The following ANKRD16 variants were observed in gnomAD, a reference collection of about 807,000 sequenced individuals.
The protein encoded by ANKRD16 is ankyrin repeat domain 16.
Under a neutral mutation model 37.9 loss-of-function variants are expected in ANKRD16, and 35 were observed. The ratio of observed to expected loss-of-function variants is 0.92; its 90% CI spans 0.71 to 1.23. ANKRD16 has a LOEUF of 1.23. Among genes scored for constraint, ANKRD16 ranks in the 50% most tolerant of loss-of-function variants. The probability of loss-of-function intolerance (pLI) is 0.00; values close to 1 mark genes in which losing one functional copy is unlikely to be tolerated. For synonymous variants in ANKRD16, 206 were observed against 197.2 expected (o/e 1.04, Z -0.37); for missense variants, 480 against 469.9 (o/e 1.02, Z -0.20).
In ANKRD16 at chr10:5,871,935, A is replaced by C. The variant is rs180922248; in HGVS notation, c.*33+6162T>G. On this transcript the variant is annotated intron_variant, in intron 7 of 7. Coordinates refer to ENST00000380094, the MANE Select transcript of ANKRD16 (RefSeq NM_019046.3). This position sits in a 1 kb window ranked among gnomAD's most constrained non-coding sequence, Gnocchi z 4.5. ...AGTTGCTCAGGCCCCTGTGCAGCCC[A>C]TATCTCCCACCCACTCGCATGGCCC... Among the ~76,000 whole-genome samples, 1 of 152,040 alleles carries C rather than the reference A, an allele frequency of 6.6e-6. No individual in the cohort carries two copies.
At chr10:5,883,251 C>G in intron 4 of ANKRD16, 84 bp from the exon 5 acceptor site, 1 of 1,406,278 alleles carries the variant, frequency 7.1e-7, no homozygotes, top group Non-Finnish European at 9.7e-7. Context: ...GGCACTTCAG[C>G]AAAACTGAGC....
chr10:5,877,394 C>T (rs756410842), intron 7 of ANKRD16, among the ~76,000 whole-genome samples: 1 of 152,162 alleles, frequency 6.6e-6, no homozygotes, highest in Admixed American at 6.5e-5. Flanking sequence ...ATTACAGGCA[C>T]GGGCCACCAT....
intron 7 of ANKRD16, among the ~76,000 whole-genome samples, chr10:5,873,877 G>A (rs1445584282): frequency 1.3e-5 from 2 of 150,078 alleles, no homozygotes; most frequent in Non-Finnish European, 3.0e-5. Flanking sequence ...TTACCTCTTT[G>A]CATCTCTTTT....
intron 5 of ANKRD16, among the ~76,000 whole-genome samples, chr10:5,881,442 ATAT>A (rs1332017398): frequency 0.013 from 1,438 of 108,772 alleles, 46 homozygotes; most frequent in African/African-American, 0.038. Flanking sequence ...TATTATTTAT[ATAT>A]ATATATATAT....
chr10:5,876,393 A>G (rs1004014781), intron 7 of ANKRD16, among the ~76,000 whole-genome samples: 5 of 152,206 alleles, frequency 3.3e-5, no homozygotes, highest in African/African-American at 1.2e-4. Context: ...AGCTGCTGCA[A>G]ACACAAAGCT....
At chr10:5,876,844 T>C (rs1462011516) in intron 7 of ANKRD16, among the ~76,000 whole-genome samples, 1 of 151,964 alleles carries the variant, frequency 6.6e-6, no homozygotes, top group East Asian at 1.9e-4. Context: ...AATTATTCTT[T>C]GCAATTCAGA....
intron 7 of ANKRD16, among the ~76,000 whole-genome samples, chr10:5,875,774 G>A (rs1181119215): frequency 6.7e-6 from 1 of 148,406 alleles, no homozygotes; most frequent in Non-Finnish European, 1.5e-5. Flanking sequence ...GTGCAGTAGT[G>A]CAATCTCGGC....
At chr10:5,886,179 C>T (rs1213162730) in intron 2 of ANKRD16, among the ~76,000 whole-genome samples, 1 of 152,208 alleles carries the variant, frequency 6.6e-6, no homozygotes, top group Non-Finnish European at 1.5e-5. Flanking sequence ...GACTATTTGT[C>T]TTCCACTATT....
Position 5,864,657 on chromosome 10 carries a change from G to T in ANKRD16, c.*34-1966C>A. 6.6e-6 allele frequency among the ~76,000 whole-genome samples: 1 copy of T among 151,854 alleles called. No homozygotes were observed. The highest frequency in any genetic ancestry group is 1.9e-4 in the East Asian group (1 of 5,188). On this transcript the variant is annotated intron_variant, in intron 7 of 7. Transcript: ENST00000380094. The surrounding 1 kb of genome is among the most constrained non-coding windows in gnomAD (Gnocchi z 4.4). ...TCAAGTAAATGACAGAATGACAGCC[G>T]AAGAAAGGGACAAATTCCCTACTGG...
At chr10:5,873,702 A>T (rs1477192200) in intron 7 of ANKRD16, among the ~76,000 whole-genome samples, 5 of 152,050 alleles carry the variant, frequency 3.3e-5, no homozygotes, top group Middle Eastern at 6.8e-3. Context: ...CCCTCTTCTC[A>T]CTGTCTGAGC....
intron 6 of ANKRD16, among the ~76,000 whole-genome samples, chr10:5,879,946 G>A (rs929172986): frequency 6.6e-6 from 1 of 152,040 alleles, no homozygotes; most frequent in African/African-American, 2.4e-5. Context: ...ATTGTTTGAG[G>A]TCAGGAGTTC....
intron 6 of ANKRD16, among the ~76,000 whole-genome samples, chr10:5,879,760 A>G (rs573033895): frequency 3.2e-4 from 47 of 147,402 alleles, no homozygotes; most frequent in African/African-American, 1.1e-3. Context: ...GATTAACAAC[A>G]GCAGTTGTAA....
At chr10:5,879,780 GTCA>G (rs1842257158) in intron 6 of ANKRD16, among the ~76,000 whole-genome samples, 2 of 82,900 alleles carry the variant, frequency 2.4e-5, no homozygotes, top group Non-Finnish European at 5.2e-5. Context: ...ATGAGTGGCA[GTCA>G]TCATCACTGT....
At chr10:5,872,451 C>G (rs1368756601) in intron 7 of ANKRD16, among the ~76,000 whole-genome samples, 1 of 152,130 alleles carries the variant, frequency 6.6e-6, no homozygotes, top group Non-Finnish European at 1.5e-5. Context: ...TATACCCCGG[C>G]CTGGGTGACA....
chr10:5,885,020 G>A (rs934342138), intron 3 of ANKRD16, among the ~76,000 whole-genome samples: 2 of 152,096 alleles, frequency 1.3e-5, no homozygotes, highest in African/African-American at 4.8e-5. Flanking sequence ...CCCATTATTT[G>A]TTCTGTAGGG....
In ANKRD16 at chr10:5,863,312, G is replaced by A. The variant is rs889545905; in HGVS notation, c.*34-621C>T. Among the ~76,000 whole-genome samples, 1 of 152,028 alleles carries A rather than the reference G, an allele frequency of 6.6e-6. No homozygotes were observed. The highest frequency in any genetic ancestry group is 2.4e-5 in the African/African-American group (1 of 41,350). On this transcript the variant is annotated intron_variant, in intron 7 of 7. Coordinates refer to ENST00000380094, the MANE Select transcript of ANKRD16 (RefSeq NM_019046.3). The surrounding 1 kb of genome is among the most constrained non-coding windows in gnomAD (Gnocchi z 4.7). ...ACTGTGCTGTACGCTCACAAAGTTA[G>A]AGGGCAGAGCTCATATTAAAGGTTC...
chr10:5,885,520 G>A (rs1038584050), intron 3 of ANKRD16, among the ~76,000 whole-genome samples: 1 of 151,990 alleles, frequency 6.6e-6, no homozygotes, highest in Non-Finnish European at 1.5e-5. Flanking sequence ...TAGAGAAATG[G>A]ATGATTTTGC....
rs1054308474 is a variant in ANKRD16, at chr10:5,868,621, A to T, written c.*34-5930T>A. Among the ~76,000 whole-genome samples, 1 of 152,220 alleles carries T rather than the reference A, an allele frequency of 6.6e-6. No individual in the cohort carries two copies. The highest frequency in any genetic ancestry group is 2.4e-5 in the African/African-American group (1 of 41,452). On this transcript the variant is annotated intron_variant, in intron 7 of 7. Transcript: ENST00000380094. This position sits in a 1 kb window ranked among gnomAD's most constrained non-coding sequence, Gnocchi z 4.9. ...GGGTGGGGACAAGTAAGGGAATAAAAGCTGGCCACCCCCAGCCAGCAGCGG... is the reference window on the plus strand; with the variant it reads ...GGGTGGGGACAAGTAAGGGAATAAATGCTGGCCACCCCCAGCCAGCAGCGG...
At chr10:5,867,443 CA>C (rs1387650716) in intron 7 of ANKRD16, among the ~76,000 whole-genome samples, 1 of 152,190 alleles carries the variant, frequency 6.6e-6, no homozygotes, top group African/African-American at 2.4e-5. Flanking sequence ...GGCACTCAGC[CA>C]AACTTTAAAG....
Sources: gnomAD v4.1 joint callset for allele counts (sites outside exome capture counted in the v4.1 genomes callset) on GRCh38, gnomAD v4.1.1 for gene constraint, Gnocchi (gnomAD v3.1) non-coding constraint, MANE v1.5 for transcripts, NCBI Gene and HGNC (gene_info 2026-07-23, HGNC 2026-07-21) for gene names.